FREM1: variants seen among roughly 807,000 people sequenced by gnomAD.
FREM1 encodes FRAS1 related extracellular matrix 1, also known as FRAS1-related extracellular matrix protein 1.
FREM1 carries 220 observed loss-of-function variants against 210.1 expected under a neutral mutation model. That is an observed-to-expected ratio of 1.05 (90% confidence interval 0.94 to 1.17). The LOEUF (loss-of-function observed/expected upper bound fraction) is 1.17, where lower values mean the gene tolerates loss of function less well. Ranked by LOEUF, FREM1 falls within the 50% of genes most tolerant of loss-of-function variation. The pLI is 0.00. For synonymous variants in FREM1, 1,189 were observed against 980.2 expected (o/e 1.21, Z -3.98); for missense variants, 3,454 against 2,675.5 (o/e 1.29, Z -6.42).
chr9:14,891,145 A>G (rs1836756269), intron 1 of FREM1, among the ~76,000 whole-genome samples: 1 of 152,164 alleles, frequency 6.6e-6, no homozygotes, highest in Non-Finnish European at 1.5e-5. Context: ...TTAATTTACA[A>G]CAGAACAACA....
At chr9:14,805,813 G>C (rs913504871) in intron 18 of FREM1, among the ~76,000 whole-genome samples, 1 of 152,158 alleles carries the variant, frequency 6.6e-6, no homozygotes, top group African/African-American at 2.4e-5. Flanking sequence ...CTTTGTCTTT[G>C]CTTTCTGTTT....
At chr9:14,804,887 A>G in intron 19 of FREM1, 69 bp downstream of exon 19, 1 of 1,207,706 alleles carries the variant, frequency 8.3e-7, no homozygotes, top group Non-Finnish European at 1.2e-6. Flanking sequence ...GGAGCAATGT[A>G]AATGGACTAA....
At chr9:14,891,286 T>C (rs1368975644) in intron 1 of FREM1, among the ~76,000 whole-genome samples, 3 of 152,220 alleles carry the variant, frequency 2.0e-5, no homozygotes, top group Admixed American at 6.5e-5. Context: ...TGTTCATTCA[T>C]TGTACAAACA....
In FREM1 at chr9:14,868,930, G is replaced by C. The variant is rs1564127275; in HGVS notation, c.48C>G (p.Leu16=). The C allele has an allele frequency of 1.2e-6, 2 of 1,602,272 alleles. No individual in the cohort carries two copies. Residue 16 remains leucine, a synonymous_variant, in exon 2 of 37, where the codon CTC becomes CTG. Transcript: ENST00000380880. ...AGGTGGGGCTGGCCCAGGCCAGGAG[G>C]AGCAGCAGCAGCACGGCATTCGCAG... ...WGAANAVLLL[L]LLAWASPTFI...
chr9:14,908,330 C>A (rs1464510082), intron 1 of FREM1, among the ~76,000 whole-genome samples: 1 of 152,168 alleles, frequency 6.6e-6, no homozygotes, highest in Non-Finnish European at 1.5e-5. Context: ...CCAAACTCAG[C>A]CTCGCCCAAC....
intron 1 of FREM1, among the ~76,000 whole-genome samples, chr9:14,876,331 G>C (rs4008118): frequency 0.5 from 76,096 of 151,354 alleles, 20,535 homozygotes; most frequent in East Asian, 0.71. Context: ...TGGGCTCCAC[G>C]CAGTTCGAGC....
intron 4 of FREM1, 135 bp from the exon 5 acceptor site, chr9:14,857,884 ACT>A: frequency 1.9e-6 from 1 of 536,706 alleles, no homozygotes; most frequent in East Asian, 3.0e-5. Flanking sequence ...CCAATCATTC[ACT>A]GAGTGGGTTG....
In FREM1 at chr9:14,806,785, G is replaced by A; in HGVS notation, c.3150C>T (p.Ala1050=). Reference sequence around the variant, plus strand: ...CATCTGCTGCAGTGTCAGGGTCAGTGGCGGACAAATGGTTAACAGTAAGGG... The same window carrying A: ...CATCTGCTGCAGTGTCAGGGTCAGTAGCGGACAAATGGTTAACAGTAAGGG... ...STALTVNHLS[A]TDPDTAADDL... Residue 1050 remains alanine, a synonymous_variant, in exon 18 of 37, where the codon GCC becomes GCT. Coordinates refer to ENST00000380880, the MANE Select transcript of FREM1 (RefSeq NM_001379081.2). The A allele has an allele frequency of 1.9e-6, 3 of 1,607,596 alleles. No individual in the cohort carries two copies. Among genetic ancestry groups the A allele is most frequent in the South Asian group, 2.2e-5 (2 of 89,390 alleles).
intron 3 of FREM1, among the ~76,000 whole-genome samples, chr9:14,860,910 C>T (rs188710758): frequency 4.3e-4 from 27 of 63,228 alleles, no homozygotes; most frequent in Admixed American, 1.0e-3. Flanking sequence ...TACACATATA[C>T]ACATATACAC....
chr9:14,797,910 C>G (rs1326051526), intron 20 of FREM1, among the ~76,000 whole-genome samples: 1 of 152,048 alleles, frequency 6.6e-6, no homozygotes, highest in East Asian at 1.9e-4. Context: ...ACTATATAAA[C>G]AAAGGTGCAG....
chr9:14,860,730 C>A, intron 3 of FREM1, among the ~76,000 whole-genome samples: 1 of 122,094 alleles, frequency 8.2e-6, no homozygotes, highest in East Asian at 2.4e-4. Flanking sequence ...CATATATACA[C>A]ATATATACAC....
intron 18 of FREM1, 122 bp downstream of exon 18, chr9:14,806,539 C>T: frequency 3.0e-6 from 2 of 659,004 alleles, no homozygotes; most frequent in Non-Finnish European, 2.7e-6. Flanking sequence ...CAGGCATCAG[C>T]CACCACGCCC....
intron 3 of FREM1, among the ~76,000 whole-genome samples, chr9:14,860,814 TAC>T (rs1299518428): frequency 0.019 from 1,857 of 95,646 alleles, 362 homozygotes; most frequent in Non-Finnish European, 0.033. Context: ...TATACATATA[TAC>T]ACATATATAC....
In FREM1 at chr9:14,836,047, C is replaced by T. The variant is rs572433820; in HGVS notation, c.1881+5400G>A. Among the ~76,000 whole-genome samples the T allele has an allele frequency of 1.6e-4, 24 of 152,230 alleles. 1 individual carries two copies. In the South Asian group the frequency reaches 4.3e-3, roughly 28 times the overall value. Reference sequence around the variant, plus strand: ...TGGGCAATTATCTTGCAACTTCTGCCGGGTAATGAAAAGTGAGTAAGGTGC... The same window carrying T: ...TGGGCAATTATCTTGCAACTTCTGCTGGGTAATGAAAAGTGAGTAAGGTGC... On this transcript the variant is annotated intron_variant, in intron 10 of 36. Coordinates refer to ENST00000380880, the MANE Select transcript of FREM1 (RefSeq NM_001379081.2). This position sits in a 1 kb window ranked among gnomAD's most constrained non-coding sequence, Gnocchi z 4.9.
At position 14,806,720 on chromosome 9, in the gene FREM1, T is replaced by C. The variant is rs1246385985; in HGVS notation, c.3215A>G (p.Tyr1072Cys). 1.2e-6 allele frequency: 2 copies of C among 1,604,372 alleles called. No individual in the cohort carries two copies. Among genetic ancestry groups the C allele is most frequent in the Non-Finnish European group, 8.5e-7 (1 of 1,175,288 alleles). ...CACAGAAGGGAGTATATTTTCGAGGTAGCCAAACTGAGGAGGAGAAACCAA... is the reference window on the plus strand; with the variant it reads ...CACAGAAGGGAGTATATTTTCGAGGCAGCCAAACTGAGGAGGAGAAACCAA... ...FVLVSPPQFG[Y>C]LENILPSVGF... Residue 1072 changes from tyrosine to cysteine, a missense_variant, in exon 18 of 37, where the codon TAC becomes TGC. Physicochemically the swap from Tyr to Cys is radical, Grantham distance 194. Transcript: ENST00000380880.
intron 1 of FREM1, among the ~76,000 whole-genome samples, chr9:14,901,768 T>C (rs749139478): frequency 6.6e-6 from 1 of 152,190 alleles, no homozygotes; most frequent in Non-Finnish European, 1.5e-5. Context: ...TATAATTAAA[T>C]TTGTTAAAAA....
chr9:14,807,874 T>C, intron 17 of FREM1, 66 bp downstream of exon 17: 3 of 1,077,716 alleles, frequency 2.8e-6, no homozygotes, highest in Non-Finnish European at 4.0e-6. Flanking sequence ...AATGTATTAT[T>C]TCACTGAACC....
At position 14,857,605 on chromosome 9, in the gene FREM1, T is replaced by A; in HGVS notation, c.776A>T (p.Tyr259Phe). 1.2e-6 allele frequency: 2 copies of A among 1,613,878 alleles called. No individual in the cohort carries two copies. Among genetic ancestry groups the A allele is most frequent in the East Asian group, 2.2e-5 (1 of 44,868 alleles). ...TGTGAGGTCCAGTTGGATGGAGATA[T>A]AATCAATGTTGGGTGAAGGGGGATC... is the stretch of plus-strand genomic sequence containing the variant. Reference protein sequence around the residue: ...HLDPPSPNIDYISIQLDLTDT... With the variant: ...HLDPPSPNIDFISIQLDLTDT... Residue 259 changes from tyrosine to phenylalanine, a missense_variant, in exon 5 of 37, where the codon TAT (tyrosine) becomes TTT (phenylalanine). By Grantham distance (22) the Tyr-to-Phe change is conservative. Transcript: ENST00000380880.
chr9:14,829,655 C>A (rs1823169821), intron 10 of FREM1, among the ~76,000 whole-genome samples: 1 of 152,164 alleles, frequency 6.6e-6, no homozygotes, highest in Admixed American at 6.5e-5. Context: ...AGATGTAGTT[C>A]ATTGATCTTG....
Sources: gnomAD v4.1 joint callset for allele counts (sites outside exome capture counted in the v4.1 genomes callset) on GRCh38, gnomAD v4.1.1 for gene constraint, Gnocchi (gnomAD v3.1) non-coding constraint, MANE v1.5 for transcripts, NCBI Gene and HGNC (gene_info 2026-07-23, HGNC 2026-07-21) for gene names.